Variants in TSEN15 observed in about 807,000 individuals in gnomAD.
TSEN15 encodes the protein tRNA splicing endonuclease subunit 15, also known as tRNA-splicing endonuclease subunit Sen15.
A neutral mutation model predicts 20.5 loss-of-function variants in TSEN15; 10 were observed. The observed-to-expected ratio is 0.49, with a 90% CI of 0.30 to 0.83. The LOEUF (loss-of-function observed/expected upper bound fraction) is 0.83. TSEN15 is among the 40% of genes least tolerant of loss of function. The pLI is 0.06. For missense variants in TSEN15, 180 were observed against 218.6 expected (o/e 0.82, Z 1.11); for synonymous variants, 72 against 80.1 (o/e 0.90, Z 0.54).
At chr1:184,094,349 T>G (rs1240907027) in intron 3 of TSEN15, 1 of 152,272 alleles carries the variant, frequency 6.6e-6, no homozygotes, top group East Asian at 1.9e-4. Flanking sequence ...CCAGCCTCAA[T>G]TAAGATTCCA....
At chr1:184,078,734 G>C (rs1235325926), downstream of TSEN15, among the ~76,000 whole-genome samples, 1 of 152,156 alleles carries the variant, frequency 6.6e-6, no homozygotes, top group Non-Finnish European at 1.5e-5. Flanking sequence ...TTTACAATTA[G>C]AATAGAAGAG....
chr1:184,084,932 C>A (rs1293504683), intron 3 of TSEN15, among the ~76,000 whole-genome samples: 1 of 151,968 alleles, frequency 6.6e-6, no homozygotes, highest in African/African-American at 2.4e-5. Flanking sequence ...TGAAAAATTT[C>A]TCAGGCCTGA....
intron 3 of TSEN15, chr1:184,093,845 C>T (rs1651400775): frequency 6.6e-6 from 1 of 152,156 alleles, no homozygotes; most frequent in South Asian, 2.1e-4. Context: ...GGGCCACAAT[C>T]CTTGATCTGC....
intron 3 of TSEN15, among the ~76,000 whole-genome samples, chr1:184,088,912 T>C (rs914212574): frequency 2.6e-5 from 4 of 152,160 alleles, no homozygotes; most frequent in Non-Finnish European, 4.4e-5. Context: ...TCTTCCTTAA[T>C]AGGGTGATGC....
chr1:184,054,558 A>G (rs912594989), intron 2 of TSEN15, 123 bp downstream of exon 2: 2 of 1,175,386 alleles, frequency 1.7e-6, no homozygotes, highest in South Asian at 1.5e-5. Flanking sequence ...TAATTTTGCA[A>G]TTTATTTATT....
At chr1:184,059,093 T>A (rs1465701103) in intron 3 of TSEN15, among the ~76,000 whole-genome samples, 1 of 152,012 alleles carries the variant, frequency 6.6e-6, no homozygotes, top group East Asian at 1.9e-4. Flanking sequence ...TGCCCTTTGT[T>A]CAGATATTTA....
At chr1:184,091,035 AC>A in intron 3 of TSEN15, among the ~76,000 whole-genome samples, 1 of 152,312 alleles carries the variant, frequency 6.6e-6, no homozygotes. Flanking sequence ...TCTTCCATAG[AC>A]ATACTTTTAC....
At chr1:184,058,713 C>T (rs1650337202) in intron 3 of TSEN15, among the ~76,000 whole-genome samples, 1 of 151,960 alleles carries the variant, frequency 6.6e-6, no homozygotes, top group Non-Finnish European at 1.5e-5. Flanking sequence ...TTCATTGGGA[C>T]ATGTCCTAAA....
chr1:184,063,818 C>G (rs1162444670), intron 3 of TSEN15, among the ~76,000 whole-genome samples: 1 of 151,364 alleles, frequency 6.6e-6, no homozygotes, highest in Non-Finnish European at 1.5e-5. Flanking sequence ...AAGAAAAAAC[C>G]TAATATTTTA....
At chr1:184,071,967 A>G (rs10911503) in intron 3 of TSEN15, 190 bp from the exon 4 acceptor site, 26 of 471,908 alleles carry the variant, frequency 5.5e-5, no homozygotes, top group African/African-American at 4.8e-4. Flanking sequence ...GATTCCAATT[A>G]TGTGTAATGT....
intron 1 of TSEN15, among the ~76,000 whole-genome samples, chr1:184,053,092 G>T (rs555261359): frequency 6.6e-6 from 1 of 152,134 alleles, no homozygotes; most frequent in Non-Finnish European, 1.5e-5. Flanking sequence ...ACTTTATCTA[G>T]ATTTGGTGGT....
chr1:184,070,899 A>T (rs1304398936), intron 3 of TSEN15: 1 of 186,350 alleles, frequency 5.4e-6, no homozygotes, highest in Admixed American at 5.5e-5. Context: ...CTGTTTCAGA[A>T]AAGAAACATT....
intron 3 of TSEN15, among the ~76,000 whole-genome samples, chr1:184,067,924 C>CAAAAAAAAAAAAA (rs71130650): frequency 1.8e-5 from 1 of 54,882 alleles, no homozygotes; most frequent in African/African-American, 9.3e-5. Context: ...CTCTCTCTCT[C>CAAAAAAAAAAAAA]AAAAAAAAAA....
Position 184,057,676 on chromosome 1 carries a change from G to A in TSEN15, c.353+2813G>A, listed in dbSNP as rs140529719. On this transcript the variant is annotated intron_variant, in intron 3 of 4. Coordinates refer to ENST00000645668, the MANE Select transcript of TSEN15 (RefSeq NM_052965.4). ...GCTGCTGTAACTGGTTATTTTCATT[G>A]TGCATATTTCATAAAGCCATATTAA... Among the ~76,000 whole-genome samples, 470 of 152,164 alleles carry A rather than the reference G, an allele frequency of 3.1e-3. 2 individuals are homozygous for A. The highest frequency in any genetic ancestry group is 7.4e-3 in the African/African-American group (306 of 41,528).
intron 3 of TSEN15, among the ~76,000 whole-genome samples, chr1:184,084,981 A>T (rs928367677): frequency 6.6e-6 from 1 of 151,852 alleles, no homozygotes; most frequent in African/African-American, 2.4e-5. Flanking sequence ...GGTGATGGTG[A>T]TGATAACACT....
chr1:184,075,912 T>TA (rs67808342), downstream of TSEN15, among the ~76,000 whole-genome samples: 1,727 of 85,488 alleles, frequency 0.02, 31 homozygotes, highest in African/African-American at 0.057. Context: ...ATATATATAT[T>TA]TTTTTTTTTC....
At chr1:184,056,652 T>C (rs1021120897) in intron 3 of TSEN15, among the ~76,000 whole-genome samples, 2 of 152,168 alleles carry the variant, frequency 1.3e-5, no homozygotes, top group Non-Finnish European at 1.5e-5. Context: ...AGTTCTATTG[T>C]TCTTGTTTTT....
At chr1:184,088,164 C>G (rs1651297134) in intron 3 of TSEN15, among the ~76,000 whole-genome samples, 1 of 151,772 alleles carries the variant, frequency 6.6e-6, no homozygotes, top group South Asian at 2.1e-4. Context: ...AGGTCTGCTT[C>G]CCTGGCCCAG....
chr1:184,094,947 T>C (rs912443625), intron 3 of TSEN15: 4 of 398,280 alleles, frequency 1.0e-5, no homozygotes, highest in Admixed American at 4.4e-5. Flanking sequence ...CTGAGGAGTG[T>C]AGCACCAAAC....
Sources: allele counts gnomAD v4.1 joint callset (sites outside exome capture counted in the v4.1 genomes callset), GRCh38; gene constraint gnomAD v4.1.1; transcripts MANE v1.5; gene names NCBI Gene and HGNC (gene_info 2026-07-23, HGNC 2026-07-21).